STAG1: variants seen among roughly 807,000 people sequenced by gnomAD.
STAG1 encodes STAG1 cohesin complex component.
In STAG1, 26 loss-of-function variants were observed where a neutral mutation model predicts 170.9. The ratio of observed to expected loss-of-function variants is 0.15; its 90% CI spans 0.11 to 0.21. The LOEUF (loss-of-function observed/expected upper bound fraction) is 0.21, where lower values mean the gene tolerates loss of function less well. Among genes scored for constraint, STAG1 ranks in the 10% least tolerant of loss-of-function variants. The probability of loss-of-function intolerance (pLI) is 1.00; values close to 1 mark genes in which losing one functional copy is unlikely to be tolerated. For missense variants in STAG1, 964 were observed against 1,509.5 expected (o/e 0.64, Z 5.99); for synonymous variants, 514 against 497.7 (o/e 1.03, Z -0.44).
intron 1 of STAG1, among the ~76,000 whole-genome samples, chr3:136,643,047 G>A (rs1940862771): frequency 1.3e-5 from 2 of 152,190 alleles, no homozygotes; most frequent in South Asian, 2.1e-4. Flanking sequence ...AAATGCCTAT[G>A]AGCTTGTTTA....
chr3:136,399,808 A>G (rs980393331), intron 21 of STAG1, among the ~76,000 whole-genome samples: 1 of 152,208 alleles, frequency 6.6e-6, no homozygotes, highest in Non-Finnish European at 1.5e-5. Context: ...TATGTGTGTT[A>G]TATCTCTCAA....
At chr3:136,702,131 C>CAG (rs1301130010) in intron 1 of STAG1, among the ~76,000 whole-genome samples, 2 of 89,606 alleles carry the variant, frequency 2.2e-5, no homozygotes, top group African/African-American at 1.2e-4. Flanking sequence ...GACAGAGAGA[C>CAG]AGAGAGACAG....
chr3:136,484,099 C>G (rs1385533506), intron 9 of STAG1, among the ~76,000 whole-genome samples: 8 of 136,176 alleles, frequency 5.9e-5, no homozygotes, highest in Non-Finnish European at 1.3e-4. Context: ...ATTCTCCATC[C>G]AGCTTTGTTC....
chr3:136,617,308 C>G (rs376729786), intron 3 of STAG1, among the ~76,000 whole-genome samples: 1 of 152,118 alleles, frequency 6.6e-6, no homozygotes, highest in African/African-American at 2.4e-5. Context: ...AATGGAGGTA[C>G]AAGGGAGACA....
At chr3:136,423,162 T>C (rs915442814) in intron 16 of STAG1, 118 bp from the exon 17 acceptor site, 23 of 620,714 alleles carry the variant, frequency 3.7e-5, no homozygotes, top group Middle Eastern at 4.5e-4. Flanking sequence ...AGAAACTTAA[T>C]GACTGAAATA....
intron 2 of STAG1, among the ~76,000 whole-genome samples, chr3:136,624,218 C>T (rs1939989503): frequency 6.6e-6 from 1 of 151,952 alleles, no homozygotes; most frequent in African/African-American, 2.4e-5. Context: ...CCTGCCTCAG[C>T]CTCCCAAGTA....
chr3:136,376,201 C>G (rs1333003179), intron 23 of STAG1, among the ~76,000 whole-genome samples: 1 of 150,384 alleles, frequency 6.6e-6, no homozygotes, highest in African/African-American at 2.4e-5. Flanking sequence ...TTATAAGAGA[C>G]AGCAAAGGAT....
At chr3:136,507,918 T>G (rs1330612063) in intron 7 of STAG1, among the ~76,000 whole-genome samples, 1 of 152,144 alleles carries the variant, frequency 6.6e-6, no homozygotes, top group Non-Finnish European at 1.5e-5. Context: ...GGTAGCTGTG[T>G]CTTTCCAAAG....
At chr3:136,564,491 A>G (rs548827798) in intron 5 of STAG1, among the ~76,000 whole-genome samples, 1 of 152,340 alleles carries the variant, frequency 6.6e-6, no homozygotes, top group South Asian at 2.1e-4. Flanking sequence ...TTTTGTAATA[A>G]GTAAAAAATG....
At chr3:136,717,066 A>C (rs924856744) in intron 1 of STAG1, among the ~76,000 whole-genome samples, 1 of 152,252 alleles carries the variant, frequency 6.6e-6, no homozygotes, top group African/African-American at 2.4e-5. Context: ...AGCAACACTT[A>C]ATCGTTTTTG....
intron 6 of STAG1, among the ~76,000 whole-genome samples, chr3:136,538,405 T>C (rs906936391): frequency 1.3e-4 from 19 of 151,704 alleles, no homozygotes; most frequent in Admixed American, 2.6e-4. Context: ...ATAATCACCA[T>C]ATAGTTACTT....
intron 5 of STAG1, among the ~76,000 whole-genome samples, chr3:136,542,668 A>AT (rs1305196754): frequency 1.7e-5 from 2 of 116,218 alleles, no homozygotes; most frequent in African/African-American, 5.4e-5. Context: ...ACTGTTTGTA[A>AT]TAAAAAAAAA....
At chr3:136,615,456 T>TG (rs1279978733) in intron 3 of STAG1, among the ~76,000 whole-genome samples, 1 of 74,128 alleles carries the variant, frequency 1.3e-5, no homozygotes, top group African/African-American at 5.0e-5. Flanking sequence ...AAAAAAGGAG[T>TG]GGGGGCACTG....
intron 5 of STAG1, among the ~76,000 whole-genome samples, chr3:136,554,032 A>G (rs1364882329): frequency 6.6e-6 from 1 of 152,186 alleles, no homozygotes; most frequent in Non-Finnish European, 1.5e-5. Context: ...TACTGGAACA[A>G]TAAAAGGAAA....
intron 4 of STAG1, among the ~76,000 whole-genome samples, chr3:136,593,665 TAAAC>T (rs1938293927): frequency 6.6e-6 from 1 of 152,248 alleles, no homozygotes; most frequent in Admixed American, 6.5e-5. Flanking sequence ...CTATCTTGTT[TAAAC>T]AACTGCTATT....
At chr3:136,576,767 A>C (rs780354647) in intron 4 of STAG1, among the ~76,000 whole-genome samples, 5 of 152,232 alleles carry the variant, frequency 3.3e-5, no homozygotes, top group Admixed American at 2.6e-4. Context: ...CATAGTACAG[A>C]GTCCACATTC....
intron 5 of STAG1, among the ~76,000 whole-genome samples, chr3:136,551,994 A>G (rs547211121): frequency 2.0e-5 from 3 of 152,246 alleles, no homozygotes; most frequent in Non-Finnish European, 4.4e-5. Context: ...CTCTTATTTT[A>G]TAATTTTTAT....
At chr3:136,452,241 A>T (rs1387294179) in intron 13 of STAG1, 94 bp from the exon 14 acceptor site, 1 of 795,944 alleles carries the variant, frequency 1.3e-6, no homozygotes, top group Non-Finnish European at 2.2e-6. Context: ...AACAACAACA[A>T]CAACAAAAAG....
chr3:136,559,203 TTAAAA>T (rs780079492), intron 5 of STAG1, among the ~76,000 whole-genome samples: 2 of 152,110 alleles, frequency 1.3e-5, no homozygotes, highest in Non-Finnish European at 2.9e-5. Context: ...TAAGAATTCA[TTAAAA>T]TAGATTGCTA....
Sources: gnomAD v4.1 joint callset for allele counts (sites outside exome capture counted in the v4.1 genomes callset) on GRCh38, gnomAD v4.1.1 for gene constraint, MANE v1.5 for transcripts, NCBI Gene and HGNC (gene_info 2026-07-23, HGNC 2026-07-21) for gene names.